The following TOP3A variants were observed in gnomAD, a reference collection of about 807,000 sequenced individuals.
The protein encoded by TOP3A is DNA topoisomerase 3-alpha.
In TOP3A, 64 loss-of-function variants were observed where a neutral mutation model predicts 111.3. The observed-to-expected ratio is 0.57, with a 90% CI of 0.47 to 0.71. The LOEUF (loss-of-function observed/expected upper bound fraction) is 0.71. TOP3A is among the 30% of genes least tolerant of loss of function. TOP3A has a pLI of 0.00. For synonymous variants in TOP3A, 484 were observed against 485.1 expected, an observed-to-expected ratio of 1.00 and a Z score of 0.03; for missense variants, 1,104 against 1,285.0, an observed-to-expected ratio of 0.86 and a Z score of 2.15.
chr17:18,271,772 G>GTC lies in TOP3A; in HGVS notation c.*3029_*3030insGA. On this transcript the variant is annotated 3_prime_UTR_variant, in exon 19 of 19. Coordinates refer to ENST00000321105, the MANE Select transcript of TOP3A (RefSeq NM_004618.5). The stretch of plus-strand genomic sequence containing the variant: ...AGACAGACAACACAATTTAAAAATG[G>GTC]GGGAAGAGACCAGGTGTGATGGCTC... 2 of 452,804 alleles carry GTC rather than the reference G, an allele frequency of 4.4e-6. No individual in the cohort carries two copies. The highest frequency in any genetic ancestry group is 4.9e-5 in the Admixed American group (2 of 40,506). The allele number at this position is 452,804 out of a possible 1,614,324, so 28.0% of individuals were successfully genotyped here.
intron 5 of TOP3A, 72 bp downstream of exon 5, chr17:18,305,040 C>G (rs1014738448): frequency 1.5e-6 from 2 of 1,290,604 alleles, no homozygotes. Context: ...GGCCCATGTG[C>G]ACATATAAAC....
At chr17:18,309,896 G>A (rs1018719388) in intron 1 of TOP3A, among the ~76,000 whole-genome samples, 1 of 150,500 alleles carries the variant, frequency 6.6e-6, no homozygotes, top group Non-Finnish European at 1.5e-5. Context: ...ATTTTTAGTA[G>A]AGATGGGGTT....
chr17:18,297,865 C>T (rs1311389699), intron 9 of TOP3A, among the ~76,000 whole-genome samples: 1 of 152,088 alleles, frequency 6.6e-6, no homozygotes, highest in South Asian at 2.1e-4. Context: ...AAGTGAGGAG[C>T]GTCTCTGCCC....
chr17:18,275,782 A>G (rs572511036), intron 18 of TOP3A, among the ~76,000 whole-genome samples: 3 of 151,308 alleles, frequency 2.0e-5, no homozygotes, highest in African/African-American at 7.3e-5. Flanking sequence ...GCCTCCCGAG[A>G]GTAGCTGGGA....
rs778629683 is a variant in TOP3A at position 18,285,325 on chromosome 17, A to C, written c.1712-18T>G. 1 of 1,613,758 alleles carries C rather than the reference A, an allele frequency of 6.2e-7. No individual in the cohort carries two copies. Among genetic ancestry groups the C allele is most frequent in the South Asian group, 1.1e-5 (1 of 91,052 alleles). On this transcript the variant is annotated intron_variant, in intron 14 of 18. Transcript: ENST00000321105. ...ATCATAACCTGCAGGGAGAGAGTCG[A>C]GCTCAGTGAGGGCCCACCTGAGACC...
At chr17:18,298,612 G>C (rs1465146825) in intron 9 of TOP3A, among the ~76,000 whole-genome samples, 1 of 151,632 alleles carries the variant, frequency 6.6e-6, no homozygotes, top group East Asian at 1.9e-4. Flanking sequence ...GGAATAGAAA[G>C]GGGGGAAGGG....
At chr17:18,288,131 T>TTA (rs142429216) in intron 13 of TOP3A, among the ~76,000 whole-genome samples, 2,382 of 122,668 alleles carry the variant, frequency 0.019, 108 homozygotes, top group East Asian at 0.17. Context: ...CTGTTAATAA[T>TTA]TATATATATA....
intron 9 of TOP3A, among the ~76,000 whole-genome samples, chr17:18,298,184 C>T (rs1185044056): frequency 2.7e-5 from 4 of 150,196 alleles, no homozygotes; most frequent in South Asian, 2.1e-4. Context: ...CCCCTCCGCC[C>T]GGCAACCGCC....
At chr17:18,306,112 G>C (rs1310190765) in intron 4 of TOP3A, among the ~76,000 whole-genome samples, 1 of 152,108 alleles carries the variant, frequency 6.6e-6, no homozygotes. Flanking sequence ...TAAGGCAAGA[G>C]AATCGCTTGA....
At chr17:18,283,141 G>A (rs1365362221) in intron 15 of TOP3A, among the ~76,000 whole-genome samples, 11 of 152,146 alleles carry the variant, frequency 7.2e-5, no homozygotes, top group African/African-American at 2.4e-4. Context: ...AGGCCGAGGC[G>A]GGCGGATCAC....
chr17:18,273,610 T>TA lies in TOP3A; in HGVS notation c.*1191dup. ...CCCTCTGCACTCTCGCAGGTCAGAG[T>TA]AAAAAAAGGTTGGATTCTTTCATTT... On this transcript the variant is annotated 3_prime_UTR_variant, in exon 19 of 19. Transcript: ENST00000321105. Among the ~76,000 whole-genome samples the TA allele has an allele frequency of 6.6e-6, 1 of 152,040 alleles. No homozygotes were observed. Among genetic ancestry groups the TA allele is most frequent in the East Asian group, 1.9e-4 (1 of 5,178 alleles).
intron 9 of TOP3A, among the ~76,000 whole-genome samples, chr17:18,297,582 C>T (rs904780557): frequency 6.6e-6 from 1 of 152,246 alleles, no homozygotes. Flanking sequence ...GCCGCCACAC[C>T]TGACTGGTTT....
In TOP3A at chr17:18,301,926, TAA is replaced by T. The variant is rs1387895025; in HGVS notation, c.872_873del (p.Phe291Ter). On this transcript the variant is annotated frameshift_variant, in exon 8 of 19. Transcript: ENST00000321105. LOFTEE classifies it high-confidence loss of function. ...VEFNWKRHRL[F>X]NHTACLVLYQ... ...TAGAGAACTAGGCAAGCCGTGTGGT[TAA>T]AGAGTCGATGCCTTTTCCAGTTGAA... is the stretch of plus-strand genomic sequence containing the variant. 2 of 1,614,216 alleles carry T rather than the reference TAA, an allele frequency of 1.2e-6. No homozygotes were observed. The highest frequency in any genetic ancestry group is 3.3e-5 in the Admixed American group (2 of 60,022).
At chr17:18,295,347 C>T (rs1458424529) in intron 9 of TOP3A, among the ~76,000 whole-genome samples, 1 of 152,038 alleles carries the variant, frequency 6.6e-6, no homozygotes, top group African/African-American at 2.4e-5. Flanking sequence ...GGGGTTTTGC[C>T]ATGCTGGCCT....
At chr17:18,300,073 T>C (rs1161434908) in intron 8 of TOP3A, among the ~76,000 whole-genome samples, 2 of 150,270 alleles carry the variant, frequency 1.3e-5, no homozygotes, top group Non-Finnish European at 3.0e-5. Flanking sequence ...AGTGCTCCTT[T>C]AAAAAAAAAA....
rs1323841262 is a variant in TOP3A, at chr17:18,290,664, C to T, written c.1490G>A (p.Gly497Glu). ...CACGGTGCTGGGCTGAAAGTGGGAT[C>T]CTTGCTCATAGACAGGGAGGATCTA... ...SDKILPVYEQ[G>E]SHFQPSTVEM... The change falls in exon 13 of 19, where the codon GGA becomes GAA. Residue 497 changes from glycine to glutamate, a missense_variant. Gly to Glu is a moderately conservative substitution (Grantham distance 98). Coordinates refer to ENST00000321105, the MANE Select transcript of TOP3A (RefSeq NM_004618.5). 1 of 1,606,692 alleles carries T rather than the reference C, an allele frequency of 6.2e-7. No homozygotes were observed. The highest frequency in any genetic ancestry group is 1.7e-5 in the Admixed American group (1 of 59,158).
intron 1 of TOP3A, among the ~76,000 whole-genome samples, chr17:18,309,630 C>A (rs1367849949): frequency 2.6e-5 from 4 of 150,996 alleles, no homozygotes; most frequent in African/African-American, 9.8e-5. Flanking sequence ...GGTGACAGAG[C>A]GAGACTGTCT....
intron 13 of TOP3A, among the ~76,000 whole-genome samples, chr17:18,289,228 TGGTCTC>T (rs1384084210): frequency 4.6e-5 from 7 of 152,352 alleles, no homozygotes; most frequent in African/African-American, 1.7e-4. Flanking sequence ...TTGGCCAGGC[TGGTCTC>T]GAACTCCTGA....
chr17:18,298,896 A>T (rs1171220835), intron 9 of TOP3A, among the ~76,000 whole-genome samples: 1 of 151,782 alleles, frequency 6.6e-6, no homozygotes, highest in Non-Finnish European at 1.5e-5. Context: ...AATCTCAAGT[A>T]CCCAGGGACA....
Sources: allele counts gnomAD v4.1 joint callset (sites outside exome capture counted in the v4.1 genomes callset), GRCh38; gene constraint gnomAD v4.1.1; transcripts MANE v1.5; gene names NCBI Gene and HGNC (gene_info 2026-07-23, HGNC 2026-07-21).